The following C12orf54 variants were observed in gnomAD, a reference collection of about 807,000 sequenced individuals.
C12orf54 encodes the protein uncharacterized protein C12orf54.
A neutral mutation model predicts 26.4 loss-of-function variants in C12orf54; 24 were observed. The ratio of observed to expected loss-of-function variants is 0.91; its 90% CI spans 0.66 to 1.28. The LOEUF is 1.28. Among genes scored for constraint, C12orf54 ranks in the 50% most tolerant of loss-of-function variants. The probability of loss-of-function intolerance (pLI) is 0.00; values close to 1 mark genes in which losing one functional copy is unlikely to be tolerated. For synonymous variants in C12orf54, 54 were observed against 47.0 expected, an observed-to-expected ratio of 1.15 and a Z score of -0.61; for missense variants, 154 against 150.9, an observed-to-expected ratio of 1.02 and a Z score of -0.11.
chr12:48,452,022 G>C, the C12orf54 span, among the ~76,000 whole-genome samples: 2 of 152,062 alleles, frequency 1.3e-5, no homozygotes, highest in Non-Finnish European at 2.9e-5. Context: ...AACTCAAGTG[G>C]CCAAGACAAT....
At chr12:48,465,161 C>T in the C12orf54 span, among the ~76,000 whole-genome samples, 1 of 152,124 alleles carries the variant, frequency 6.6e-6, no homozygotes, top group Non-Finnish European at 1.5e-5. Flanking sequence ...TATTTGCAAA[C>T]TATGCATCTG....
At chr12:48,477,229 TG>T in the C12orf54 span, among the ~76,000 whole-genome samples, 1 of 152,162 alleles carries the variant, frequency 6.6e-6, no homozygotes, top group African/African-American at 2.4e-5. Context: ...GCAGAATCTC[TG>T]GGACACATTC....
chr12:48,449,952 C>T, the C12orf54 span, among the ~76,000 whole-genome samples: 1 of 152,148 alleles, frequency 6.6e-6, no homozygotes, highest in Non-Finnish European at 1.5e-5. Context: ...TCAAGGGCTT[C>T]TGCCTTTGCT....
the C12orf54 span, among the ~76,000 whole-genome samples, chr12:48,431,466 A>C: frequency 3.9e-5 from 6 of 152,294 alleles, no homozygotes; most frequent in East Asian, 9.6e-4. Flanking sequence ...TTATAAGAGA[A>C]TATTATGAGA....
the C12orf54 span, among the ~76,000 whole-genome samples, chr12:48,431,611 TCAA>T: frequency 6.6e-6 from 1 of 152,132 alleles, no homozygotes; most frequent in African/African-American, 2.4e-5. Context: ...AAAAATTTTC[TCAA>T]CAAGACAAGA....
intron 4 of C12orf54, among the ~76,000 whole-genome samples, chr12:48,486,947 G>GTT (rs1937662008): frequency 1.3e-5 from 2 of 152,168 alleles, no homozygotes; most frequent in Admixed American, 1.3e-4. Flanking sequence ...GCACCCACTT[G>GTT]TTTGAAGCTG....
At chr12:48,430,814 A>G in the C12orf54 span, among the ~76,000 whole-genome samples, 3 of 152,194 alleles carry the variant, frequency 2.0e-5, no homozygotes, top group African/African-American at 7.2e-5. Context: ...CCCAGAGGAA[A>G]ATCAATCATT....
chr12:48,460,014 A>G, the C12orf54 span, among the ~76,000 whole-genome samples: 1 of 152,218 alleles, frequency 6.6e-6, no homozygotes, highest in African/African-American at 2.4e-5. Flanking sequence ...TGTCTGGTCA[A>G]ACTGGTACAG....
At chr12:48,430,217 G>A in the C12orf54 span, among the ~76,000 whole-genome samples, 1 of 152,044 alleles carries the variant, frequency 6.6e-6, no homozygotes, top group African/African-American at 2.4e-5. Context: ...GATAACATTG[G>A]AAAAATCCTT....
intron 2 of C12orf54, among the ~76,000 whole-genome samples, chr12:48,485,164 A>G (rs1026785473): frequency 1.3e-5 from 2 of 152,038 alleles, no homozygotes; most frequent in Non-Finnish European, 2.9e-5. Flanking sequence ...GCAGCCTCGA[A>G]CTCCTGGGCT....
In C12orf54 at chr12:48,490,813, T is replaced by TCTTTCA; in HGVS notation, c.170_171insCTTTCA (p.Leu57_Gln58insPheGln). On this transcript the variant is annotated inframe_insertion and splice_region_variant, in exon 6 of 9. Transcript: ENST00000548364. Reference sequence around the variant, plus strand: ...GACTGTATTCTCATTATTTTTCAGCTGCAGGAAGATGCTCGGATTCGAGGT... The same window carrying TCTTTCA: ...GACTGTATTCTCATTATTTTTCAGCTCTTTCAGCAGGAAGATGCTCGGATTCGAGGT... 1 of 1,613,634 alleles carries TCTTTCA rather than the reference T, an allele frequency of 6.2e-7. No individual in the cohort carries two copies. Among genetic ancestry groups the TCTTTCA allele is most frequent in the Non-Finnish European group, 8.5e-7 (1 of 1,179,588 alleles).
At chr12:48,454,156 C>T in the C12orf54 span, among the ~76,000 whole-genome samples, 1 of 134,954 alleles carries the variant, frequency 7.4e-6, no homozygotes, top group African/African-American at 2.8e-5. Flanking sequence ...GGCGAGAAGT[C>T]GTGCGATCTC....
the C12orf54 span, among the ~76,000 whole-genome samples, chr12:48,425,035 A>T: frequency 6.6e-6 from 1 of 152,140 alleles, no homozygotes; most frequent in Non-Finnish European, 1.5e-5. Context: ...TTGGTGAATT[A>T]TATGTAGGCT....
At chr12:48,431,290 T>A in the C12orf54 span, among the ~76,000 whole-genome samples, 1 of 152,076 alleles carries the variant, frequency 6.6e-6, no homozygotes, top group Non-Finnish European at 1.5e-5. Flanking sequence ...CAATAACCTA[T>A]GGAAAAATAA....
the C12orf54 span, among the ~76,000 whole-genome samples, chr12:48,418,737 T>C: frequency 6.6e-5 from 10 of 152,198 alleles, no homozygotes; most frequent in African/African-American, 2.4e-4. Context: ...TCAGTTGGTG[T>C]TATTTTAATT....
chr12:48,484,308 A>G (rs1197906559), intron 2 of C12orf54, among the ~76,000 whole-genome samples: 1 of 152,236 alleles, frequency 6.6e-6, no homozygotes, highest in Non-Finnish European at 1.5e-5. Flanking sequence ...AGGAATTGAG[A>G]AGACTGAATC....
chr12:48,473,293 A>G, the C12orf54 span: 496 of 1,109,002 alleles, frequency 4.5e-4, 1 homozygote, highest in African/African-American at 6.6e-3. Context: ...GAGGAGGAGA[A>G]GGATGAAGGT....
the C12orf54 span, among the ~76,000 whole-genome samples, chr12:48,415,389 G>A: frequency 6.6e-6 from 1 of 152,168 alleles, no homozygotes; most frequent in Non-Finnish European, 1.5e-5. Flanking sequence ...ATCCTAGCTA[G>A]CTGAAACTTC....
chr12:48,436,774 A>G, the C12orf54 span, among the ~76,000 whole-genome samples: 1 of 152,260 alleles, frequency 6.6e-6, no homozygotes, highest in Non-Finnish European at 1.5e-5. Context: ...AGGGAAATTT[A>G]TAGCACTAAA....
Sources: allele counts gnomAD v4.1 joint callset (sites outside exome capture counted in the v4.1 genomes callset), GRCh38; gene constraint gnomAD v4.1.1; transcripts MANE v1.5; gene names NCBI Gene and HGNC (gene_info 2026-07-23, HGNC 2026-07-21).